The following GPC4 variants were observed in gnomAD, a reference collection of about 807,000 sequenced individuals.
The protein encoded by GPC4 is glypican-4.
A neutral mutation model predicts 35.0 loss-of-function variants in GPC4; 10 were observed. That is an observed-to-expected ratio of 0.29 (90% confidence interval 0.18 to 0.48). GPC4 has a LOEUF of 0.48. GPC4 is among the 20% of genes least tolerant of loss of function. The pLI is 0.99. For synonymous variants in GPC4, 167 were observed against 170.2 expected (o/e 0.98, Z 0.15); for missense variants, 322 against 451.3 (o/e 0.71, Z 2.60).
intron 1 of GPC4, among the ~76,000 whole-genome samples, chrX:133,406,629 A>C (rs771144913): frequency 9.4e-6 from 1 of 106,719 alleles, no homozygotes; most frequent in African/African-American, 3.4e-5. Context: ...TGCTCCTGTA[A>C]TTCCAGCTAC....
intron 1 of GPC4, among the ~76,000 whole-genome samples, chrX:133,370,186 T>C (rs2068606189): frequency 8.9e-6 from 1 of 111,914 alleles, no homozygotes; most frequent in South Asian, 3.7e-4. Context: ...ATAGAAGATA[T>C]GCAATCTGAG....
intron 1 of GPC4, among the ~76,000 whole-genome samples, chrX:133,409,429 C>T (rs1042019242): frequency 3.8e-5 from 4 of 106,088 alleles, no homozygotes; most frequent in African/African-American, 1.4e-4. Context: ...GCAGTATAAT[C>T]TCATTGTAGC....
chrX:133,389,671 G>T (rs776413058), intron 1 of GPC4, among the ~76,000 whole-genome samples: 1 of 110,993 alleles, frequency 9.0e-6, no homozygotes, highest in Admixed American at 9.6e-5. Flanking sequence ...TGGGAAGAGG[G>T]GGACATCAAA....
intron 1 of GPC4, among the ~76,000 whole-genome samples, chrX:133,380,251 C>T (rs1377285299): frequency 2.7e-5 from 3 of 110,327 alleles, no homozygotes; most frequent in Non-Finnish European, 5.7e-5. Context: ...GTGGGAGAAT[C>T]ACTTGAACCC....
At chrX:133,396,779 G>C (rs958686589) in intron 1 of GPC4, among the ~76,000 whole-genome samples, 1 of 111,854 alleles carries the variant, frequency 8.9e-6, no homozygotes, top group African/African-American at 3.3e-5. Flanking sequence ...AACACAAAGT[G>C]ACCGCAGGAA....
rs1172699345 is a variant in GPC4 at position 133,415,129 on chromosome X, G to A, written c.-164C>T. ...CGAGCAGGCGGAGGAGACGCGGGGC[G>A]AAAAGTAGAGCTGGGCCTCGCGTCA... On this transcript the variant is annotated 5_prime_UTR_variant, in exon 1 of 9. Transcript: ENST00000370828. 1.0e-5 allele frequency: 5 copies of A among 489,821 alleles called. No individual in the cohort carries two copies. The highest frequency in any genetic ancestry group is 6.8e-5 in the South Asian group (2 of 29,448). The allele number at this position is 489,821 out of a possible 1,213,427, so 40.4% of individuals were successfully genotyped here.
At chrX:133,384,097 A>G (rs1308246975) in intron 1 of GPC4, among the ~76,000 whole-genome samples, 2 of 112,131 alleles carry the variant, frequency 1.8e-5, no homozygotes, top group Non-Finnish European at 3.8e-5. Context: ...AATGAACTAG[A>G]CAATCCCCAC....
intron 1 of GPC4, among the ~76,000 whole-genome samples, chrX:133,347,921 T>C (rs1192849090): frequency 7.1e-5 from 8 of 112,377 alleles, no homozygotes; most frequent in Non-Finnish European, 3.8e-5. Context: ...TGCCAAAATA[T>C]AGCTCTGGAG....
Position 133,372,002 on chromosome X carries a change from G to C in GPC4, c.161-32661C>G, listed in dbSNP as rs758624021. Among the ~76,000 whole-genome samples the C allele has an allele frequency of 2.7e-5, 3 of 110,528 alleles. No individual in the cohort carries two copies. In the South Asian group the frequency reaches 1.2e-3, roughly 43 times the overall value. ...TAATTCCAGCACTTTAGGAGGCCGA[G>C]GTGGGCAGATTACCTGAGGTCAGAA... On this transcript the variant is annotated intron_variant, in intron 1 of 8. Transcript: ENST00000370828.
At chrX:133,341,238 G>A (rs1353947427) in intron 1 of GPC4, among the ~76,000 whole-genome samples, 2 of 111,277 alleles carry the variant, frequency 1.8e-5, no homozygotes, top group Non-Finnish European at 3.8e-5. Flanking sequence ...TTGAGGTAAG[G>A]GTTCCCTCCA....
At chrX:133,344,862 C>T (rs750406803) in intron 1 of GPC4, among the ~76,000 whole-genome samples, 15 of 112,320 alleles carry the variant, frequency 1.3e-4, no homozygotes, top group Admixed American at 2.8e-4. Context: ...CTAATTTTAC[C>T]AATAAAGCAA....
At position 133,302,960 on chromosome X, in the gene GPC4, T is replaced by C. The variant is rs2068273237; in HGVS notation, c.1578A>G (p.Lys526=). Residue 526 remains lysine, a synonymous_variant, in exon 9 of 9, where the codon AAA becomes AAG. Transcript: ENST00000370828. ...TDHAGKSANE[K]ADSAGVRPGA... ...CAGGACGGACACCAGCACTGTCGGC[T>C]TTCTCATTGGCACTCTTCCCAGCAT... 1.7e-6 allele frequency: 2 copies of C among 1,209,915 alleles called. No homozygotes were observed. The highest frequency in any genetic ancestry group is 2.2e-5 in the Admixed American group (1 of 45,728).
At chrX:133,347,561 A>G (rs1394537475) in intron 1 of GPC4, among the ~76,000 whole-genome samples, 1 of 110,907 alleles carries the variant, frequency 9.0e-6, no homozygotes, top group Admixed American at 9.6e-5. Context: ...AAATTCATGT[A>G]GCCACAAAGT....
rs149208995 is a variant in GPC4, at chrX:133,328,903, G to A, written c.320-4367C>T. Reference sequence around the variant, plus strand: ...ATCTGTTTTAAGTAAAGCTACTGGTGTCTGAAAGAAAGTTTGAGAGGTGGT... The same window carrying A: ...ATCTGTTTTAAGTAAAGCTACTGGTATCTGAAAGAAAGTTTGAGAGGTGGT... On this transcript the variant is annotated intron_variant, in intron 2 of 8. Coordinates refer to ENST00000370828, the MANE Select transcript of GPC4 (RefSeq NM_001448.3). 2.6e-4 allele frequency among the ~76,000 whole-genome samples: 29 copies of A among 111,945 alleles called. No individual in the cohort carries two copies. In the East Asian group the frequency reaches 7.0e-3, roughly 27 times the overall value.
chrX:133,305,712 T>C, intron 6 of GPC4, 60 bp downstream of exon 6: 1 of 1,182,983 alleles, frequency 8.5e-7, no homozygotes, highest in East Asian at 3.0e-5. Flanking sequence ...AAAATTCATT[T>C]TGAGCAAGAG....
intron 3 of GPC4, among the ~76,000 whole-genome samples, chrX:133,315,034 A>G (rs2068331085): frequency 9.0e-6 from 1 of 110,571 alleles, no homozygotes; most frequent in African/African-American, 3.3e-5. Context: ...ACCACCATGG[A>G]AGAAAAAGCT....
At chrX:133,397,882 G>T (rs1452156350) in intron 1 of GPC4, among the ~76,000 whole-genome samples, 5 of 111,312 alleles carry the variant, frequency 4.5e-5, no homozygotes, top group African/African-American at 1.6e-4. Flanking sequence ...GCAACATGGT[G>T]AATCCCTGTC....
chrX:133,362,704 C>G (rs6654666), intron 1 of GPC4, among the ~76,000 whole-genome samples: 6,358 of 112,033 alleles, frequency 0.057, 433 homozygotes, highest in African/African-American at 0.19. Context: ...CATCCTCTGT[C>G]AGAGTTGTCC....
Position 133,415,206 on chromosome X carries a change from A to T in GPC4, c.-241T>A. 5.4e-6 allele frequency: 2 copies of T among 367,383 alleles called. No individual in the cohort carries two copies. The highest frequency in any genetic ancestry group is 4.7e-6 in the Non-Finnish European group (1 of 212,271). 30.3% of individuals were successfully genotyped at this position (367,383 alleles called of 1,213,427 possible). A position where few individuals can be genotyped will look rare whatever the true frequency, so the allele number is the denominator to read the frequency against. Reference sequence around the variant, plus strand: ...GGGCCAGGGGAGAAGGAGGGCGTGGAGGCGGCGCGCGGCCCAGGGAAGCAG... The same window carrying T: ...GGGCCAGGGGAGAAGGAGGGCGTGGTGGCGGCGCGCGGCCCAGGGAAGCAG... On this transcript the variant is annotated 5_prime_UTR_variant, in exon 1 of 9. Transcript: ENST00000370828.
Sources: allele counts gnomAD v4.1 joint callset (sites outside exome capture counted in the v4.1 genomes callset), GRCh38; gene constraint gnomAD v4.1.1; transcripts MANE v1.5; gene names NCBI Gene and HGNC (gene_info 2026-07-23, HGNC 2026-07-21).